GPR89B: variants seen among roughly 807,000 people sequenced by gnomAD.
GPR89B encodes the protein G protein-coupled receptor 89B.
GPR89B carries 25 observed loss-of-function variants against 52.4 expected under a neutral mutation model. That is an observed-to-expected ratio of 0.48 (90% CI 0.35 to 0.67). GPR89B has a LOEUF of 0.67. Among genes scored for constraint, GPR89B ranks in the 30% least tolerant of loss-of-function variants. The pLI is 0.01. For synonymous variants in GPR89B, 52 were observed against 151.2 expected, an observed-to-expected ratio of 0.34 and a Z score of 4.81; for missense variants, 146 against 450.2, an observed-to-expected ratio of 0.32 and a Z score of 6.11.
chr1:147,996,209 G>A (rs1330069780), downstream of GPR89B, among the ~76,000 whole-genome samples: 1 of 151,710 alleles, frequency 6.6e-6, no homozygotes, highest in South Asian at 2.1e-4. Flanking sequence ...CAGGGTAAGG[G>A]GCATTATGCC....
intron 8 of GPR89B, chr1:147,968,265 G>C (rs1657175809): frequency 8.8e-6 from 4 of 453,744 alleles, no homozygotes; most frequent in African/African-American, 4.0e-5. Context: ...TGGAGGAAAA[G>C]AGGATTTGAC....
the GPR89B span, among the ~76,000 whole-genome samples, chr1:148,009,192 T>G: frequency 6.6e-6 from 1 of 151,222 alleles, no homozygotes; most frequent in Non-Finnish European, 1.5e-5. Flanking sequence ...AGGGAGGGAG[T>G]GAGAGACGGA....
At chr1:147,987,886 TATAA>T (rs1658784075) in intron 11 of GPR89B, among the ~76,000 whole-genome samples, 1 of 151,360 alleles carries the variant, frequency 6.6e-6, no homozygotes, top group African/African-American at 2.4e-5. Context: ...ATTCTTTTAC[TATAA>T]AAAGAAAGAT....
chr1:148,021,662 C>T, the GPR89B span, among the ~76,000 whole-genome samples: 3 of 151,672 alleles, frequency 2.0e-5, no homozygotes, highest in South Asian at 2.1e-4. Flanking sequence ...TTGGTGGTCT[C>T]GGCAAAATGA....
intron 5 of GPR89B, among the ~76,000 whole-genome samples, chr1:147,950,615 C>G (rs2149055096): frequency 1.3e-5 from 2 of 152,278 alleles, no homozygotes; most frequent in East Asian, 1.9e-4. Context: ...GAGCCGAGAT[C>G]ACGCCGCTGC....
At chr1:148,003,574 C>T in the GPR89B span, among the ~76,000 whole-genome samples, 1 of 152,174 alleles carries the variant, frequency 6.6e-6, no homozygotes, top group Non-Finnish European at 1.5e-5. Flanking sequence ...ATACCGTTGC[C>T]CAGATCCCAA....
intron 1 of GPR89B, among the ~76,000 whole-genome samples, chr1:147,931,692 G>A (rs115339926): frequency 0.028 from 4,229 of 151,892 alleles, 178 homozygotes; most frequent in African/African-American, 0.096. Flanking sequence ...CAGGTACTGA[G>A]CGTAGTACTC....
intron 7 of GPR89B, among the ~76,000 whole-genome samples, chr1:147,965,952 T>C (rs1395931180): frequency 1.3e-5 from 2 of 151,894 alleles, no homozygotes; most frequent in Non-Finnish European, 2.9e-5. Flanking sequence ...GTTCAAGCGA[T>C]TCTCCTGCCT....
At chr1:148,010,815 T>C in the GPR89B span, 13 of 152,372 alleles carry the variant, frequency 8.5e-5, no homozygotes, top group Non-Finnish European at 1.8e-4. Flanking sequence ...GTTATCTAGT[T>C]GTATAGAGCC....
chr1:148,004,628 C>CA, the GPR89B span, among the ~76,000 whole-genome samples: 1 of 114,196 alleles, frequency 8.8e-6, no homozygotes, highest in African/African-American at 3.3e-5. Context: ...GGGTCCACGT[C>CA]AAAAAATCAT....
chr1:147,977,794 G>A (rs1460241395), intron 10 of GPR89B, among the ~76,000 whole-genome samples: 2 of 147,078 alleles, frequency 1.4e-5, no homozygotes, highest in South Asian at 2.2e-4. Context: ...TGATATTTGT[G>A]GTTGCATTGT....
At chr1:147,965,101 G>A (rs1185093684) in intron 7 of GPR89B, among the ~76,000 whole-genome samples, 4 of 149,322 alleles carry the variant, frequency 2.7e-5, no homozygotes, top group Non-Finnish European at 5.9e-5. Context: ...TCCCAAAATG[G>A]TGAGTGATAG....
At chr1:147,969,830 T>C (rs1289995351) in intron 9 of GPR89B, 37 bp from the exon 10 acceptor site, 2 of 1,382,900 alleles carry the variant, frequency 1.4e-6, no homozygotes, top group Non-Finnish European at 2.0e-6. Context: ...AATTTATATT[T>C]TGCTGAAAAC....
chr1:147,961,392 G>A (rs1656545783), intron 7 of GPR89B, among the ~76,000 whole-genome samples: 1 of 151,762 alleles, frequency 6.6e-6, no homozygotes, highest in South Asian at 2.1e-4. Context: ...ACTGCTAAAA[G>A]GCAAAAGTAA....
intron 2 of GPR89B, among the ~76,000 whole-genome samples, chr1:147,937,068 G>A (rs1437011397): frequency 1.3e-5 from 2 of 152,034 alleles, no homozygotes; most frequent in Non-Finnish European, 2.9e-5. Context: ...AGGCTATCAG[G>A]GGAACCAGTC....
downstream of GPR89B, among the ~76,000 whole-genome samples, chr1:147,997,792 A>G (rs1214710460): frequency 7.2e-5 from 11 of 152,226 alleles, no homozygotes; most frequent in Non-Finnish European, 1.5e-5. Flanking sequence ...ATACACAGTA[A>G]TAATTGGTGA....
intron 1 of GPR89B, among the ~76,000 whole-genome samples, chr1:147,933,471 T>G (rs1205354678): frequency 6.6e-6 from 1 of 152,060 alleles, no homozygotes. Flanking sequence ...TAGACCTGCC[T>G]TCACAATCTG....
Position 147,992,964 on chromosome 1 carries a change from A to C in GPR89B, c.*47A>C. The C allele has an allele frequency of 7.3e-7, 1 of 1,361,548 alleles. No homozygotes were observed. The highest frequency in any genetic ancestry group is 9.8e-7 in the Non-Finnish European group (1 of 1,020,352). The allele number at this position is 1,361,548 out of a possible 1,614,324, so 84.3% of individuals were successfully genotyped here. The stretch of plus-strand genomic sequence containing the variant: ...TTAGAGGCCAGTGGTTTCAAAATTT[A>C]GATATAAGAGGGGGGAAAAATGGAA... On this transcript the variant is annotated 3_prime_UTR_variant, in exon 14 of 14. Transcript: ENST00000314163.
chr1:147,978,532 C>T (rs1444998053), intron 10 of GPR89B, among the ~76,000 whole-genome samples: 580 of 151,716 alleles, frequency 3.8e-3, no homozygotes, highest in Non-Finnish European at 6.8e-3. Flanking sequence ...GAAGGGAATC[C>T]CCCTCCTCTG....
Sources: allele counts gnomAD v4.1 joint callset (sites outside exome capture counted in the v4.1 genomes callset), GRCh38; gene constraint gnomAD v4.1.1; transcripts MANE v1.5; gene names NCBI Gene and HGNC (gene_info 2026-07-23, HGNC 2026-07-21).